The following LARP1B variants were observed in gnomAD, a reference collection of about 807,000 sequenced individuals.
The protein encoded by LARP1B is la-related protein 1B.
A neutral mutation model predicts 114.2 loss-of-function variants in LARP1B; 76 were observed. The observed-to-expected ratio is 0.67, with a 90% CI of 0.55 to 0.81. LARP1B has a LOEUF of 0.81. Among genes scored for constraint, LARP1B ranks in the 30% least tolerant of loss-of-function variants. The pLI, the probability that LARP1B is intolerant of heterozygous loss-of-function variation, is 0.00. For missense variants in LARP1B, 1,014 were observed against 1,075.8 expected (o/e 0.94, Z 0.80); for synonymous variants, 345 against 348.0 (o/e 0.99, Z 0.10).
At chr4:128,187,559 T>G (rs1001596630) in intron 15 of LARP1B, among the ~76,000 whole-genome samples, 14 of 152,202 alleles carry the variant, frequency 9.2e-5, no homozygotes, top group Admixed American at 2.6e-4. Context: ...TACAGGCTCA[T>G]AGGTGGAAGG....
chr4:128,216,645 G>C (rs1578841206), downstream of LARP1B, among the ~76,000 whole-genome samples: 4 of 149,386 alleles, frequency 2.7e-5, no homozygotes, highest in South Asian at 4.4e-4. Context: ...ATTCAAAGCA[G>C]TGTGTAGAGG....
chr4:128,129,562 T>TA (rs1018988928), intron 11 of LARP1B, among the ~76,000 whole-genome samples: 1 of 151,868 alleles, frequency 6.6e-6, no homozygotes, highest in Non-Finnish European at 1.5e-5. Context: ...AAAAAACACC[T>TA]AAAAAACCCA....
chr4:128,092,966 G>C, intron 7 of LARP1B: 1 of 985,322 alleles, frequency 1.0e-6, no homozygotes, highest in Non-Finnish European at 1.2e-6. Context: ...AAGTGAGGGA[G>C]GAGCAGAGCT....
chr4:128,160,548 T>A (rs952397481), intron 11 of LARP1B, among the ~76,000 whole-genome samples: 1 of 152,126 alleles, frequency 6.6e-6, no homozygotes, highest in African/African-American at 2.4e-5. Context: ...GTGTATGTTA[T>A]ACATTAATGA....
At chr4:128,071,627 G>C (rs1198622094) in intron 1 of LARP1B, among the ~76,000 whole-genome samples, 1 of 151,362 alleles carries the variant, frequency 6.6e-6, no homozygotes, top group Non-Finnish European at 1.5e-5. Flanking sequence ...TCACCATGTT[G>C]GCCAGGCTGG....
rs182894136 is a variant in LARP1B at position 128,099,715 on chromosome 4, T to C, written c.813+1385T>C. Among the ~76,000 whole-genome samples the C allele has an allele frequency of 3.7e-3, 563 of 151,310 alleles. 5 individuals carry two copies. Among genetic ancestry groups the C allele is most frequent in the African/African-American group, 9.7e-3 (399 of 41,200 alleles). On this transcript the variant is annotated intron_variant, in intron 8 of 19. Coordinates refer to ENST00000326639, the MANE Select transcript of LARP1B (RefSeq NM_018078.4). The stretch of plus-strand genomic sequence containing the variant: ...GAAGATCTTTATAGGGATATATATA[T>C]ACACACACACACACACACACATATA...
At chr4:128,190,149 G>A (rs1751752986) in intron 15 of LARP1B, among the ~76,000 whole-genome samples, 1 of 152,184 alleles carries the variant, frequency 6.6e-6, no homozygotes, top group African/African-American at 2.4e-5. Context: ...GTCTAGGAAA[G>A]ACTTTATATC....
intron 10 of LARP1B, among the ~76,000 whole-genome samples, chr4:128,116,563 A>G (rs1292743597): frequency 6.6e-6 from 1 of 152,168 alleles, no homozygotes; most frequent in African/African-American, 2.4e-5. Flanking sequence ...TTTTAAAAGT[A>G]TAAGGAGAAC....
chr4:128,176,701 G>A (rs1746339595), intron 12 of LARP1B, among the ~76,000 whole-genome samples, 171 bp from the exon 13 acceptor site: 1 of 152,140 alleles, frequency 6.6e-6, no homozygotes, highest in Non-Finnish European at 1.5e-5. Context: ...TGTATGGTAG[G>A]CACTAGTATT....
At chr4:128,063,203 G>T (rs936650890) in intron 1 of LARP1B, among the ~76,000 whole-genome samples, 1 of 151,686 alleles carries the variant, frequency 6.6e-6, no homozygotes, top group African/African-American at 2.4e-5. Context: ...GAGGCGGGCG[G>T]ATCACCTGAG....
intron 15 of LARP1B, among the ~76,000 whole-genome samples, chr4:128,196,176 G>A (rs747566566): frequency 1.4e-5 from 2 of 148,030 alleles, no homozygotes; most frequent in Admixed American, 6.9e-5. Context: ...ACTTGAGCCC[G>A]GGAAGCGGAT....
intron 4 of LARP1B, among the ~76,000 whole-genome samples, chr4:128,078,868 T>C (rs1341673479): frequency 6.6e-6 from 1 of 152,088 alleles, no homozygotes; most frequent in Non-Finnish European, 1.5e-5. Flanking sequence ...GGTGATTTTC[T>C]GGGAGAGTAG....
At chr4:128,200,389 C>T (rs1755581992) in intron 16 of LARP1B, 132 bp from the exon 17 acceptor site, 1 of 577,958 alleles carries the variant, frequency 1.7e-6, no homozygotes, top group Non-Finnish European at 2.8e-6. Flanking sequence ...GATCCCCACT[C>T]TATTTAGAAG....
chr4:128,129,414 G>A (rs1790844540), intron 11 of LARP1B, among the ~76,000 whole-genome samples: 1 of 151,398 alleles, frequency 6.6e-6, no homozygotes, highest in African/African-American at 2.4e-5. Flanking sequence ...TTATAGATAG[G>A]AAGACTCAAT....
At chr4:128,082,067 G>A in intron 4 of LARP1B, 98 bp from the exon 5 acceptor site, 2 of 1,080,602 alleles carry the variant, frequency 1.9e-6, no homozygotes, top group East Asian at 2.4e-5. Flanking sequence ...TACACATTAA[G>A]TGTTTCACTT....
rs571725869 is a variant in LARP1B, at chr4:128,179,489, T to C, written c.1980T>C (p.Arg660=). The change falls in exon 15 of 20, where the codon CGT becomes CGC. Residue 660 remains arginine (R), a synonymous_variant. Coordinates refer to ENST00000326639, the MANE Select transcript of LARP1B (RefSeq NM_018078.4). The stretch of plus-strand genomic sequence containing the variant: ...GTTGGGTAATGGATTCCAGAGACCG[T>C]GGGCCAGGAACATCCTCTGTCAGGT... ...HVGWVMDSRD[R]GPGTSSVSTS... 1.3e-4 allele frequency: 213 copies of C among 1,603,516 alleles called. No homozygotes were observed. The South Asian group carries it at 1.7e-3, about 13-fold the overall frequency.
chr4:128,108,468 T>C, intron 9 of LARP1B: 1 of 985,676 alleles, frequency 1.0e-6, no homozygotes, highest in East Asian at 1.1e-4. Context: ...TTTCTTCCTT[T>C]ACTCTTCAAA....
chr4:128,086,658 A>C (rs1036673677), intron 5 of LARP1B, among the ~76,000 whole-genome samples: 24 of 151,800 alleles, frequency 1.6e-4, no homozygotes, highest in African/African-American at 4.8e-4. Context: ...TTTTCTTTTT[A>C]TAACTGGCAA....
intron 17 of LARP1B, among the ~76,000 whole-genome samples, chr4:128,203,625 C>T (rs1318422582): frequency 1.3e-5 from 2 of 152,064 alleles, no homozygotes; most frequent in Admixed American, 6.5e-5. Context: ...CCACCCACCT[C>T]GGCCTCCCAA....
Sources: allele counts gnomAD v4.1 joint callset (sites outside exome capture counted in the v4.1 genomes callset), GRCh38; gene constraint gnomAD v4.1.1; transcripts MANE v1.5; gene names NCBI Gene and HGNC (gene_info 2026-07-23, HGNC 2026-07-21).